TLCD4: variants seen among roughly 807,000 people sequenced by gnomAD.
TLCD4 encodes TLC domain-containing protein 4.
Under a neutral mutation model 24.2 loss-of-function variants are expected in TLCD4, and 7 were observed. The ratio of observed to expected loss-of-function variants is 0.29; its 90% CI spans 0.16 to 0.54. TLCD4 has a LOEUF of 0.54. TLCD4 is among the 20% of genes least tolerant of loss of function. The pLI is 0.95. For synonymous variants in TLCD4, 103 were observed against 106.4 expected, an observed-to-expected ratio of 0.97 and a Z score of 0.20; for missense variants, 259 against 313.9, an observed-to-expected ratio of 0.82 and a Z score of 1.32.
intron 3 of TLCD4, among the ~76,000 whole-genome samples, chr1:95,149,847 C>T (rs549256394): frequency 6.6e-6 from 1 of 152,124 alleles, no homozygotes; most frequent in South Asian, 2.1e-4. Flanking sequence ...TCAAATTTTC[C>T]TGGTTATATT....
chr1:95,170,812 C>A (rs939985626), intron 5 of TLCD4, among the ~76,000 whole-genome samples: 1 of 152,090 alleles, frequency 6.6e-6, no homozygotes, highest in Non-Finnish European at 1.5e-5. Context: ...AGCAAAAAAA[C>A]AGAACATTTC....
chr1:95,122,602 A>G lies in TLCD4; in HGVS notation c.-12+4985A>G, dbSNP rs552610948. Among the ~76,000 whole-genome samples, 9 of 150,948 alleles carry G rather than the reference A, an allele frequency of 6.0e-5. 2 individuals carry two copies. Among genetic ancestry groups the G allele is most frequent in the African/African-American group, 2.2e-4 (9 of 41,068 alleles). The stretch of plus-strand genomic sequence containing the variant: ...TCTGGTTTCTCTGTTATCTCTGACA[A>G]CTCTCCCCCTATCCCCCACCAACTG... On this transcript the variant is annotated intron_variant, in intron 1 of 6. Transcript: ENST00000370203.
At chr1:95,109,616 T>C in the TLCD4 span, among the ~76,000 whole-genome samples, 1 of 151,478 alleles carries the variant, frequency 6.6e-6, no homozygotes, top group Non-Finnish European at 1.5e-5. Context: ...GCCTCCCAAG[T>C]AGGTGGGACT....
At chr1:95,105,756 G>GT in the TLCD4 span, among the ~76,000 whole-genome samples, 1 of 151,874 alleles carries the variant, frequency 6.6e-6, no homozygotes, top group African/African-American at 2.4e-5. Flanking sequence ...TTAGCCAGAC[G>GT]TGGTGGCGGG....
chr1:95,111,798 C>T, the TLCD4 span, among the ~76,000 whole-genome samples: 1 of 152,168 alleles, frequency 6.6e-6, no homozygotes, highest in East Asian at 1.9e-4. Context: ...CTCATTCAGG[C>T]AGCCTGCACT....
At chr1:95,111,234 C>T in the TLCD4 span, among the ~76,000 whole-genome samples, 143 of 151,400 alleles carry the variant, frequency 9.4e-4, no homozygotes, top group African/African-American at 3.3e-3. Context: ...CTCAAGATTA[C>T]GGTGAGCTAT....
intron 6 of TLCD4, among the ~76,000 whole-genome samples, chr1:95,189,649 G>T (rs1678958386): frequency 6.6e-6 from 1 of 152,146 alleles, no homozygotes; most frequent in Admixed American, 6.5e-5. Context: ...GAATCATACA[G>T]TGTACAGGAT....
intron 5 of TLCD4, among the ~76,000 whole-genome samples, chr1:95,153,203 A>G (rs894491646): frequency 1.1e-4 from 17 of 152,058 alleles, no homozygotes; most frequent in Non-Finnish European, 1.0e-4. Flanking sequence ...GAATATGGAA[A>G]GTTCTGGAGA....
the TLCD4 span, among the ~76,000 whole-genome samples, chr1:95,096,764 C>G: frequency 2.0e-5 from 3 of 152,126 alleles, no homozygotes; most frequent in East Asian, 5.8e-4. Flanking sequence ...CTTTCTGCTC[C>G]TTTTTGATAT....
At position 95,196,370 on chromosome 1, in the gene TLCD4, A is replaced by C. The variant is rs919478683; in HGVS notation, c.*4502A>C. 6 of 152,148 alleles carry C rather than the reference A, an allele frequency of 3.9e-5. No homozygotes were observed. Among genetic ancestry groups the C allele is most frequent in the African/African-American group, 1.2e-4 (5 of 41,438 alleles). 9.4% of individuals were successfully genotyped at this position (152,148 alleles called of 1,614,324 possible). A position where few individuals can be genotyped will look rare whatever the true frequency, so the allele number is the denominator to read the frequency against. On this transcript the variant is annotated 3_prime_UTR_variant, in exon 7 of 7. Transcript: ENST00000370203. ...TTTAGAGTCCTGCTCTTTAGGGAAA[A>C]CTTTGCTATGGTAATGTTTCTTTGA...
At chr1:95,168,843 T>C (rs894415178) in intron 5 of TLCD4, among the ~76,000 whole-genome samples, 8 of 152,026 alleles carry the variant, frequency 5.3e-5, no homozygotes, top group Non-Finnish European at 8.8e-5. Context: ...GATATAACAG[T>C]GAATAAGGAA....
chr1:95,118,893 C>T (rs187399914), intron 1 of TLCD4, among the ~76,000 whole-genome samples: 1 of 152,130 alleles, frequency 6.6e-6, no homozygotes, highest in Admixed American at 6.5e-5. Flanking sequence ...TTGCCACGCC[C>T]CTCCTGTGCC....
intron 1 of TLCD4, among the ~76,000 whole-genome samples, chr1:95,121,717 A>G (rs555305851): frequency 2.8e-4 from 43 of 152,160 alleles, no homozygotes; most frequent in Non-Finnish European, 5.6e-4. Flanking sequence ...TGATCCGCCC[A>G]ACTCAGCCTC....
intron 6 of TLCD4, among the ~76,000 whole-genome samples, chr1:95,185,060 T>C (rs919673186): frequency 1.3e-5 from 2 of 152,002 alleles, no homozygotes; most frequent in Non-Finnish European, 2.9e-5. Flanking sequence ...TACTTTAAGT[T>C]TTAGGGTACA....
At chr1:95,148,146 T>C (rs1157425412) in intron 2 of TLCD4, among the ~76,000 whole-genome samples, 2 of 152,236 alleles carry the variant, frequency 1.3e-5, no homozygotes, top group African/African-American at 4.8e-5. Context: ...ACAAATTTGT[T>C]ACAAGAATCA....
chr1:95,189,072 T>A (rs1238957877), intron 6 of TLCD4, among the ~76,000 whole-genome samples: 1 of 152,136 alleles, frequency 6.6e-6, no homozygotes, highest in Non-Finnish European at 1.5e-5. Flanking sequence ...ATGGAAAAAA[T>A]CTAGCCGCCT....
At chr1:95,175,308 G>C (rs1571773772) in intron 6 of TLCD4, among the ~76,000 whole-genome samples, 1 of 152,070 alleles carries the variant, frequency 6.6e-6, no homozygotes, top group African/African-American at 2.4e-5. Flanking sequence ...TTTGTGCCTG[G>C]CTTATTTTGC....
chr1:95,165,997 CT>C (rs754342631), intron 5 of TLCD4, among the ~76,000 whole-genome samples: 4 of 152,158 alleles, frequency 2.6e-5, no homozygotes, highest in Non-Finnish European at 5.9e-5. Context: ...TAAACATATA[CT>C]GTCTGTAAAT....
rs766279115 is a variant in TLCD4, at chr1:95,191,890, A to G, written c.*22A>G. On this transcript the variant is annotated 3_prime_UTR_variant, in exon 7 of 7. Coordinates refer to ENST00000370203, the MANE Select transcript of TLCD4 (RefSeq NM_152487.3). ...TTAAAAGAGTGCTACCGATAAGCAAACTTCATTACTACCCAGCATATCTGC... is the reference window on the plus strand; with the variant it reads ...TTAAAAGAGTGCTACCGATAAGCAAGCTTCATTACTACCCAGCATATCTGC... 6.2e-7 allele frequency: 1 copy of G among 1,600,262 alleles called. No individual in the cohort carries two copies. Among genetic ancestry groups the G allele is most frequent in the South Asian group, 1.1e-5 (1 of 88,100 alleles).
Sources: gnomAD v4.1 joint callset for allele counts (sites outside exome capture counted in the v4.1 genomes callset) on GRCh38, gnomAD v4.1.1 for gene constraint, MANE v1.5 for transcripts, NCBI Gene and HGNC (gene_info 2026-07-23, HGNC 2026-07-21) for gene names.